GPHN: variants seen among roughly 807,000 people sequenced by gnomAD.
GPHN encodes the protein gephyrin.
A neutral mutation model predicts 95.5 loss-of-function variants in GPHN; 17 were observed. That is an observed-to-expected ratio of 0.18 (90% CI 0.12 to 0.27). GPHN has a LOEUF of 0.27. GPHN is among the 10% of genes least tolerant of loss of function. The probability of loss-of-function intolerance (pLI) is 1.00; values close to 1 mark genes in which losing one functional copy is unlikely to be tolerated. For synonymous variants in GPHN, 320 were observed against 322.5 expected (o/e 0.99, Z 0.08); for missense variants, 660 against 978.1 (o/e 0.67, Z 4.34).
chr14:67,090,892 G>A (rs766983061), intron 12 of GPHN, among the ~76,000 whole-genome samples: 2 of 151,546 alleles, frequency 1.3e-5, no homozygotes, highest in Non-Finnish European at 2.9e-5. Context: ...CCAGCAGGTT[G>A]TTGTAAGAAT....
chr14:66,789,951 A>G (rs746322098), intron 3 of GPHN, among the ~76,000 whole-genome samples: 1 of 152,214 alleles, frequency 6.6e-6, no homozygotes, highest in Non-Finnish European at 1.5e-5. Flanking sequence ...AATAAAAAAC[A>G]TAAGATAACG....
In GPHN at chr14:66,983,718, CT is replaced by C. The variant is rs545375853; in HGVS notation, c.963+18400del. Reference sequence around the variant, plus strand: ...ACATTCAGAGTTTAGTGGTAACTGTCTTTTTTTCTTCTTATAATTCATTGTT... The same window carrying C: ...ACATTCAGAGTTTAGTGGTAACTGTCTTTTTTCTTCTTATAATTCATTGTT... On this transcript the variant is annotated intron_variant, in intron 9 of 22. Transcript: ENST00000478722. Among the ~76,000 whole-genome samples the C allele has an allele frequency of 3.9e-3, 586 of 152,190 alleles. 5 individuals carry two copies. Among genetic ancestry groups the C allele is most frequent in the African/African-American group, 0.014 (564 of 41,534 alleles).
At chr14:66,940,422 C>T (rs889643340) in intron 8 of GPHN, among the ~76,000 whole-genome samples, 1 of 152,050 alleles carries the variant, frequency 6.6e-6, no homozygotes, top group African/African-American at 2.4e-5. Flanking sequence ...TGAGGTGTTC[C>T]TCTTTCTTTC....
At chr14:67,062,907 A>T (rs993042964) in intron 11 of GPHN, among the ~76,000 whole-genome samples, 4 of 152,194 alleles carry the variant, frequency 2.6e-5, no homozygotes, top group South Asian at 2.1e-4. Context: ...TTTACCGTGC[A>T]GAAAGTTCTT....
the GPHN span, among the ~76,000 whole-genome samples, chr14:67,667,598 A>C: frequency 1.3e-5 from 2 of 152,214 alleles, no homozygotes; most frequent in African/African-American, 2.4e-5. Context: ...TTGTTTCTGA[A>C]AGTAAATACT....
intron 2 of GPHN, among the ~76,000 whole-genome samples, chr14:66,722,683 TC>T (rs962640699): frequency 1.3e-5 from 2 of 151,900 alleles, no homozygotes; most frequent in African/African-American, 2.4e-5. Flanking sequence ...CTTCAAGTGA[TC>T]CCCCCACCTC....
At chr14:67,201,289 G>T in the GPHN span, 1 of 349,090 alleles carries the variant, frequency 2.9e-6, no homozygotes, top group Non-Finnish European at 5.6e-6. Context: ...ACAAGACTTT[G>T]TCTCTAAAAA....
the GPHN span, among the ~76,000 whole-genome samples, chr14:67,636,968 T>C: frequency 6.6e-6 from 1 of 152,152 alleles, no homozygotes; most frequent in Non-Finnish European, 1.5e-5. Flanking sequence ...AAAGGGAAAG[T>C]TCCCACAGGC....
intron 2 of GPHN, among the ~76,000 whole-genome samples, chr14:66,703,662 G>A (rs770998200): frequency 5.3e-5 from 8 of 152,250 alleles, no homozygotes; most frequent in Non-Finnish European, 8.8e-5. Context: ...AGGAAAAACC[G>A]GTATCAGCCA....
chr14:67,479,478 G>C, the GPHN span, among the ~76,000 whole-genome samples: 6 of 151,614 alleles, frequency 4.0e-5, no homozygotes, highest in Admixed American at 1.3e-4. Context: ...AGTACTTTGG[G>C]AGGCCGAGGT....
At chr14:66,945,414 C>T (rs1464095649) in intron 8 of GPHN, among the ~76,000 whole-genome samples, 1 of 152,114 alleles carries the variant, frequency 6.6e-6, no homozygotes, top group African/African-American at 2.4e-5. Context: ...CCTCCTGCAT[C>T]TATCAGTATG....
chr14:67,395,636 C>T, the GPHN span: 1 of 1,549,936 alleles, frequency 6.5e-7, no homozygotes, highest in Non-Finnish European at 8.8e-7. Flanking sequence ...CAAGAGGACG[C>T]CGGGCAGCAA....
At chr14:66,731,087 T>A (rs2071726128) in intron 2 of GPHN, among the ~76,000 whole-genome samples, 1 of 152,198 alleles carries the variant, frequency 6.6e-6, no homozygotes, top group South Asian at 2.1e-4. Context: ...CTTCCCCTTC[T>A]GCCATGATTT....
chr14:66,863,953 C>CA (rs1297227424), intron 4 of GPHN, among the ~76,000 whole-genome samples: 1 of 151,942 alleles, frequency 6.6e-6, no homozygotes, highest in Non-Finnish European at 1.5e-5. Context: ...GCAACCAAAG[C>CA]AAAAATGGAC....
chr14:66,731,841 C>G (rs1016957123), intron 2 of GPHN, among the ~76,000 whole-genome samples: 1 of 152,170 alleles, frequency 6.6e-6, no homozygotes, highest in African/African-American at 2.4e-5. Context: ...CCCTGAGCCC[C>G]TCTGCTCTGT....
rs777009433 is a variant in GPHN, at chr14:66,924,290, C to T, written c.826C>T (p.Arg276Trp). 42 of 1,564,284 alleles carry T rather than the reference C, an allele frequency of 2.7e-5. No individual in the cohort carries two copies. Among genetic ancestry groups the T allele is most frequent in the Admixed American group, 6.7e-5 (4 of 59,854 alleles). The change falls in exon 8 of 23, where the codon CGG becomes TGG. Residue 276 changes from arginine to tryptophan, a missense_variant and splice_region_variant. By Grantham distance (101) the Arg-to-Trp change is moderately radical (BLOSUM62 -3). Transcript: ENST00000478722. ...INYSHHSTDE[R>W]IPDSIISRGV... The stretch of plus-strand genomic sequence containing the variant: ...TTATTCCCATCATTCAACAGATGAA[C>T]GGGTAAGACAAGAGGCTTTTGCATT...
chr14:67,308,700 C>T, the GPHN span, among the ~76,000 whole-genome samples: 12 of 152,060 alleles, frequency 7.9e-5, no homozygotes, highest in South Asian at 6.2e-4. Context: ...TACCCTGTAC[C>T]GTGTACAAGT....
the GPHN span, among the ~76,000 whole-genome samples, chr14:67,258,773 A>T: frequency 6.6e-6 from 1 of 151,992 alleles, no homozygotes; most frequent in East Asian, 1.9e-4. Flanking sequence ...AATAGTTCTT[A>T]ATAAGTTATT....
chr14:66,811,527 A>C (rs548583927), intron 3 of GPHN, among the ~76,000 whole-genome samples: 2 of 149,094 alleles, frequency 1.3e-5, no homozygotes, highest in Non-Finnish European at 2.9e-5. Context: ...AAATCACTTA[A>C]GACTACTCTT....
Sources: gnomAD v4.1 joint callset for allele counts (sites outside exome capture counted in the v4.1 genomes callset) on GRCh38, gnomAD v4.1.1 for gene constraint, MANE v1.5 for transcripts, NCBI Gene and HGNC (gene_info 2026-07-23, HGNC 2026-07-21) for gene names.